The following GDI2 variants were observed in gnomAD, a reference collection of about 807,000 sequenced individuals.
GDI2 encodes GDP dissociation inhibitor 2, also known as rab GDP dissociation inhibitor beta.
In GDI2, 22 loss-of-function variants were observed where a neutral mutation model predicts 54.2. The observed-to-expected ratio is 0.41, with a 90% CI of 0.29 to 0.58. The LOEUF is 0.58. GDI2 is among the 20% of genes least tolerant of loss of function. The pLI, the probability that GDI2 is intolerant of heterozygous loss-of-function variation, is 0.35. For missense variants in GDI2, 422 were observed against 546.0 expected (o/e 0.77, Z 2.26); for synonymous variants, 177 against 182.1 (o/e 0.97, Z 0.23).
intron 7 of GDI2, among the ~76,000 whole-genome samples, chr10:5,771,569 C>T (rs1840489041): frequency 6.6e-6 from 1 of 151,834 alleles, no homozygotes; most frequent in Non-Finnish European, 1.5e-5. Flanking sequence ...AAAAGTCTGT[C>T]ATTATAGGTG....
At chr10:5,803,847 A>G (rs74116317) in intron 1 of GDI2, among the ~76,000 whole-genome samples, 178 of 152,320 alleles carry the variant, frequency 1.2e-3, no homozygotes, top group African/African-American at 4.1e-3. Flanking sequence ...TATTTCTTAA[A>G]GAGACAAAGG....
chr10:5,773,909 A>G lies in GDI2; in HGVS notation c.752T>C (p.Leu251Pro). 6.5e-7 allele frequency: 1 copy of G among 1,548,490 alleles called. No individual in the cohort carries two copies. Among genetic ancestry groups the G allele is most frequent in the Non-Finnish European group, 8.9e-7 (1 of 1,125,200 alleles). ...LSAIYGGTYM[L>P]NKPIEEIIVQ... ...AATGATTTCTTCAATGGGTTTATTCAGCATATAGGTACCTCCATAAATAGC... is the reference window on the plus strand; with the variant it reads ...AATGATTTCTTCAATGGGTTTATTCGGCATATAGGTACCTCCATAAATAGC... The change falls in exon 7 of 11, where the codon CTG becomes CCG. Residue 251 changes from leucine to proline, a missense_variant. Coordinates refer to ENST00000380191, the MANE Select transcript of GDI2 (RefSeq NM_001494.4).
intron 4 of GDI2, among the ~76,000 whole-genome samples, chr10:5,788,727 G>C (rs1279152897): frequency 6.6e-6 from 1 of 151,698 alleles, no homozygotes; most frequent in Admixed American, 6.6e-5. Flanking sequence ...ATTTTTTCTT[G>C]TCAATAAATG....
intron 1 of GDI2, among the ~76,000 whole-genome samples, chr10:5,809,253 A>G (rs1173718748): frequency 6.6e-6 from 1 of 151,690 alleles, no homozygotes; most frequent in East Asian, 1.9e-4. Flanking sequence ...TCAAAAAAAA[A>G]CAAAAAAAAA....
intron 6 of GDI2, among the ~76,000 whole-genome samples, chr10:5,778,645 CTTTG>C (rs766089601): frequency 2.1e-4 from 32 of 152,162 alleles, no homozygotes; most frequent in African/African-American, 6.8e-4. Context: ...TAAGTTCTAA[CTTTG>C]TTTATTGTAT....
At chr10:5,808,699 A>AAG (rs1172482217) in intron 1 of GDI2, among the ~76,000 whole-genome samples, 4 of 98,896 alleles carry the variant, frequency 4.0e-5, no homozygotes, top group Non-Finnish European at 5.9e-5. Context: ...GTTGTTATTA[A>AAG]AAAAAAAAAA....
intron 1 of GDI2, among the ~76,000 whole-genome samples, chr10:5,809,952 T>TAA (rs74549745): frequency 0.051 from 7,741 of 152,308 alleles, 239 homozygotes; most frequent in Non-Finnish European, 0.075. Flanking sequence ...CTCCCAAGTG[T>TAA]AACAGCATTT....
chr10:5,803,565 C>T (rs1443525734), intron 1 of GDI2, among the ~76,000 whole-genome samples: 1 of 152,068 alleles, frequency 6.6e-6, no homozygotes, highest in Admixed American at 6.6e-5. Flanking sequence ...TAAACAAAAG[C>T]TCAAGGTCCT....
chr10:5,806,871 C>T (rs1379261504), intron 1 of GDI2, among the ~76,000 whole-genome samples: 1 of 152,168 alleles, frequency 6.6e-6, no homozygotes, highest in South Asian at 2.1e-4. Context: ...TCTCAGCAAG[C>T]AAATTGGAGT....
intron 4 of GDI2, among the ~76,000 whole-genome samples, chr10:5,787,825 A>C (rs186445350): frequency 2.6e-5 from 4 of 152,350 alleles, no homozygotes; most frequent in African/African-American, 9.6e-5. Flanking sequence ...GTATCTCCCA[A>C]CTTTTGTTTA....
At chr10:5,811,954 T>C (rs751227117) in intron 1 of GDI2, 6 of 1,048,752 alleles carry the variant, frequency 5.7e-6, no homozygotes. Context: ...TTTGGGATGT[T>C]ACCTGTAAAA....
chr10:5,771,430 C>G (rs1840486084), intron 7 of GDI2, among the ~76,000 whole-genome samples: 1 of 152,198 alleles, frequency 6.6e-6, no homozygotes, highest in South Asian at 2.1e-4. Context: ...AAATTATGCA[C>G]AGACCCTTTT....
At chr10:5,791,481 T>C (rs1034571557) in intron 4 of GDI2, among the ~76,000 whole-genome samples, 1 of 151,580 alleles carries the variant, frequency 6.6e-6, no homozygotes, top group African/African-American at 2.4e-5. Flanking sequence ...GGCACAGTGG[T>C]TCACGCCTGT....
At chr10:5,793,905 T>G (rs1841070817) in intron 4 of GDI2, among the ~76,000 whole-genome samples, 2 of 152,038 alleles carry the variant, frequency 1.3e-5, no homozygotes, top group South Asian at 4.1e-4. Context: ...GGCTCATGCC[T>G]GTAATCTCAG....
At chr10:5,779,587 A>C (rs1325016273) in intron 6 of GDI2, among the ~76,000 whole-genome samples, 1 of 151,854 alleles carries the variant, frequency 6.6e-6, no homozygotes, top group African/African-American at 2.4e-5. Flanking sequence ...ACTGAATGAG[A>C]TTAACAGCCT....
At chr10:5,800,799 T>A in intron 1 of GDI2, 94 bp from the exon 2 acceptor site, 1 of 746,436 alleles carries the variant, frequency 1.3e-6, no homozygotes, top group South Asian at 1.4e-5. Flanking sequence ...ATTCTCTTAG[T>A]AATTACACTT....
At chr10:5,792,706 A>AC (rs1841044336) in intron 4 of GDI2, among the ~76,000 whole-genome samples, 1 of 151,360 alleles carries the variant, frequency 6.6e-6, no homozygotes, top group East Asian at 2.0e-4. Context: ...AAAAAAACAG[A>AC]AGAAGGATAA....
At position 5,768,074 on chromosome 10, in the gene GDI2, T is replaced by C; in HGVS notation, c.991+139A>G. On this transcript the variant is annotated intron_variant, in intron 8 of 10. Transcript: ENST00000380191. The surrounding 1 kb of genome is among the most constrained non-coding windows in gnomAD (Gnocchi z 4.4). ...ACAATGCTGCCGGAGCAGGAGGAGG[T>C]ACAAAGATTTTTTTCCCCCATATGT... 1 of 635,240 alleles carries C rather than the reference T, an allele frequency of 1.6e-6. No homozygotes were observed. The allele number at this position is 635,240 out of a possible 1,614,324, so 39.4% of individuals were successfully genotyped here.
In GDI2 at chr10:5,794,866, A is replaced by G; in HGVS notation, c.388+19T>C. On this transcript the variant is annotated intron_variant, in intron 4 of 10. Coordinates refer to ENST00000380191, the MANE Select transcript of GDI2 (RefSeq NM_001494.4). Reference sequence around the variant, plus strand: ...CTGAGAAAATAAAACTAGTTACTAGAGAAAATAAAACTACTTACTAGATGC... The same window carrying G: ...CTGAGAAAATAAAACTAGTTACTAGGGAAAATAAAACTACTTACTAGATGC... 1 of 1,547,580 alleles carries G rather than the reference A, an allele frequency of 6.5e-7. No homozygotes were observed. Among genetic ancestry groups the G allele is most frequent in the Non-Finnish European group, 8.9e-7 (1 of 1,124,536 alleles).
Sources: allele counts gnomAD v4.1 joint callset (sites outside exome capture counted in the v4.1 genomes callset), GRCh38; gene constraint gnomAD v4.1.1; non-coding constraint Gnocchi (gnomAD v3.1); transcripts MANE v1.5; gene names NCBI Gene and HGNC (gene_info 2026-07-23, HGNC 2026-07-21).